PPIP5K1: variants seen among roughly 807,000 people sequenced by gnomAD.
PPIP5K1 encodes diphosphoinositol pentakisphosphate kinase 1.
A neutral mutation model predicts 27.7 loss-of-function variants in PPIP5K1; 6 were observed. That is an observed-to-expected ratio of 0.22 (90% CI 0.12 to 0.43). The LOEUF is 0.43. PPIP5K1 is among the 20% of genes least tolerant of loss of function. PPIP5K1 has a pLI of 1.00. For synonymous variants in PPIP5K1, 145 were observed against 242.6 expected, an observed-to-expected ratio of 0.60 and a Z score of 3.74; for missense variants, 394 against 635.4, an observed-to-expected ratio of 0.62 and a Z score of 4.08.
intron 10 of PPIP5K1, among the ~76,000 whole-genome samples, chr15:43,579,598 C>CGTGTGTGTGTGT (rs1168161790): frequency 6.4e-4 from 19 of 29,918 alleles, no homozygotes; most frequent in South Asian, 1.4e-3. Flanking sequence ...TATATGTGTA[C>CGTGTGTGTGTGT]GTGTGTGTGT....
At chr15:43,538,530 T>C (rs2080216530) in intron 31 of PPIP5K1, among the ~76,000 whole-genome samples, 1 of 147,596 alleles carries the variant, frequency 6.8e-6, no homozygotes, top group Non-Finnish European at 1.5e-5. Flanking sequence ...CAGCCTTTTT[T>C]GTTTGCTTGT....
At position 43,549,044 on chromosome 15, in the gene PPIP5K1, AAAAAAAAAAAAAATATATATATAT is replaced by A. The variant is rs1302487018; in HGVS notation, c.3557-9485_3557-9462del. On this transcript the variant is annotated intron_variant, in intron 30 of 31. Transcript: ENST00000420765. Reference sequence around the variant, plus strand: ...CTCCATCTCAAAAAAAAAAAAAAAAAAAAAAAAAAAAAATATATATATATATATATATATATACATATATATAAT... The same window carrying A: ...CTCCATCTCAAAAAAAAAAAAAAAAAATATATATATATACATATATATAAT... 6.5e-3 allele frequency among the ~76,000 whole-genome samples: 604 copies of A among 92,524 alleles called. 33 individuals are homozygous for A. The highest frequency in any genetic ancestry group is 0.038 in the African/African-American group (510 of 13,502). 60.7% of individuals were successfully genotyped at this position (92,524 alleles called of 152,430 possible).
At chr15:43,550,411 G>T (rs1179104604) in intron 30 of PPIP5K1, among the ~76,000 whole-genome samples, 1 of 152,094 alleles carries the variant, frequency 6.6e-6, no homozygotes, top group Non-Finnish European at 1.5e-5. Flanking sequence ...TTCCCAAAAT[G>T]CTGGGAACAC....
intron 29 of PPIP5K1, among the ~76,000 whole-genome samples, chr15:43,559,426 A>G (rs1228547444): frequency 6.6e-6 from 1 of 152,208 alleles, no homozygotes; most frequent in Non-Finnish European, 1.5e-5. Flanking sequence ...ATGCAAATTT[A>G]GGATGTCGGC....
chr15:43,539,587 G>A lies in PPIP5K1; in HGVS notation c.3557-4C>T, dbSNP rs770396735. ...CTGTGCATGGAATCAAAGAGGGCTG[G>A]AAAGGAGGTAGGGTGAAGGGAGAGG... is the stretch of plus-strand genomic sequence containing the variant. On this transcript the variant is annotated splice_region_variant and splice_polypyrimidine_tract_variant and intron_variant, in intron 30 of 31. Coordinates refer to ENST00000420765, the MANE Select transcript of PPIP5K1 (RefSeq NM_001394395.1). The A allele has an allele frequency of 1.0e-5, 16 of 1,557,256 alleles. No individual in the cohort carries two copies. The highest frequency in any genetic ancestry group is 1.3e-5 in the Non-Finnish European group (15 of 1,132,704).
intron 30 of PPIP5K1, among the ~76,000 whole-genome samples, chr15:43,545,918 T>C (rs1466364196): frequency 2.6e-5 from 4 of 152,080 alleles, no homozygotes; most frequent in Admixed American, 2.0e-4. Context: ...AGAAACCCCA[T>C]ATCCATTAAG....
chr15:43,542,891 G>A (rs1037672716), intron 30 of PPIP5K1, among the ~76,000 whole-genome samples: 5 of 151,986 alleles, frequency 3.3e-5, no homozygotes, highest in Non-Finnish European at 7.4e-5. Flanking sequence ...ATGTTGCCCA[G>A]GCTGGTCTAA....
chr15:43,558,376 C>T (rs2083298154), intron 30 of PPIP5K1, among the ~76,000 whole-genome samples: 2 of 151,978 alleles, frequency 1.3e-5, no homozygotes, highest in Admixed American at 1.3e-4. Context: ...TGCAGGCGCA[C>T]ACCACCGCAC....
rs56361192 is a variant in PPIP5K1 at position 43,542,647 on chromosome 15, A to AGTGTGTGTGT, written c.3557-3074_3557-3065dup. Among the ~76,000 whole-genome samples, 589 of 121,332 alleles carry AGTGTGTGTGT rather than the reference A, an allele frequency of 4.9e-3. 4 individuals are homozygous for AGTGTGTGTGT. Among genetic ancestry groups the AGTGTGTGTGT allele is most frequent in the Non-Finnish European group, 7.6e-3 (441 of 58,294 alleles). The allele number at this position is 121,332 out of a possible 152,430, so 79.6% of individuals were successfully genotyped here. A position where few individuals can be genotyped will look rare whatever the true frequency, so the allele number is the denominator to read the frequency against. ...TTGTGGATTTTTATTATATATATTC[A>AGTGTGTGTGT]GTGTGTGTGTGTGTGTGTGTGTGTG... On this transcript the variant is annotated intron_variant, in intron 30 of 31. Transcript: ENST00000420765.
At chr15:43,558,400 G>T (rs1009942222) in intron 30 of PPIP5K1, among the ~76,000 whole-genome samples, 2 of 152,120 alleles carry the variant, frequency 1.3e-5, no homozygotes, top group South Asian at 4.1e-4. Flanking sequence ...GCTAATTTTG[G>T]TATTTTTAGT....
At chr15:43,537,118 C>CTT (rs2079964498) in intron 31 of PPIP5K1, among the ~76,000 whole-genome samples, 1 of 151,514 alleles carries the variant, frequency 6.6e-6, no homozygotes, top group South Asian at 2.1e-4. Context: ...GGGCAGATCA[C>CTT]AAGGTCAGGA....
intron 30 of PPIP5K1, among the ~76,000 whole-genome samples, chr15:43,549,238 T>C (rs2081898526): frequency 1.3e-5 from 2 of 151,682 alleles, no homozygotes; most frequent in African/African-American, 4.8e-5. Flanking sequence ...AGCAATGTTT[T>C]GTAGTTTTTG....
intron 30 of PPIP5K1, among the ~76,000 whole-genome samples, chr15:43,558,469 A>G (rs1595865252): frequency 6.6e-6 from 1 of 151,648 alleles, no homozygotes; most frequent in East Asian, 1.9e-4. Flanking sequence ...CTCGTGATCC[A>G]CCCGCCTAGC....
Position 43,539,494 on chromosome 15 carries a change from G to A in PPIP5K1, c.3646C>T (p.Gln1216Ter). 1 of 1,603,532 alleles carries A rather than the reference G, an allele frequency of 6.2e-7. No individual in the cohort carries two copies. The highest frequency in any genetic ancestry group is 8.5e-7 in the Non-Finnish European group (1 of 1,172,776). The change falls in exon 31 of 32, where the codon CAG (glutamine) becomes TAG (stop). Residue 1216 changes from glutamine (Q) to a stop codon, truncating the protein, a stop_gained. Transcript: ENST00000420765. LOFTEE classifies it low-confidence loss of function (END_TRUNC). ...TLHSPPLQLQ[Q>*]RSEKPPWYSS... ...CACCAAGGGGGCTTCTCAGAGCGCT[G>A]CTGGAGTTGCAGGGGAGGTGAATGA...
At chr15:43,556,135 T>C (rs2584728) in intron 30 of PPIP5K1, among the ~76,000 whole-genome samples, 6 of 151,934 alleles carry the variant, frequency 3.9e-5, no homozygotes, top group Admixed American at 6.6e-5. Flanking sequence ...CTGGCCAACG[T>C]GGTGAAACCC....
At chr15:43,567,407 T>G (rs1480912821) in intron 26 of PPIP5K1, among the ~76,000 whole-genome samples, 375 of 2,806 alleles carry the variant, frequency 0.13, no homozygotes, top group Middle Eastern at 0.3. Flanking sequence ...CATGAGCCAC[T>G]GCGCCTGGCC....
chr15:43,558,966 C>T (rs377600621), intron 29 of PPIP5K1, 34 bp from the exon 30 acceptor site: 96 of 1,610,228 alleles, frequency 6.0e-5, no homozygotes, highest in Non-Finnish European at 6.7e-5. Context: ...GTCAATGTTA[C>T]TCCTGCCAGA....
intron 30 of PPIP5K1, among the ~76,000 whole-genome samples, chr15:43,558,530 T>G (rs2083324287): frequency 6.6e-6 from 1 of 151,864 alleles, no homozygotes; most frequent in Admixed American, 6.6e-5. Context: ...CCGGCCTTAT[T>G]TTTTTTCAGT....
rs1165313203 is a variant in PPIP5K1 at position 43,553,497 on chromosome 15, C to G, written c.3556+5298G>C. 3.3e-5 allele frequency among the ~76,000 whole-genome samples: 5 copies of G among 152,142 alleles called. No homozygotes were observed. The East Asian group carries it at 9.6e-4, about 29-fold the overall frequency. ...AGCTGGGACTACAGGCATGTGCCAC[C>G]ATGCCCAATTAAATTTTTAATTTTT... On this transcript the variant is annotated intron_variant, in intron 30 of 31. Transcript: ENST00000420765.
Sources: gnomAD v4.1 joint callset for allele counts (sites outside exome capture counted in the v4.1 genomes callset) on GRCh38, gnomAD v4.1.1 for gene constraint, MANE v1.5 for transcripts, NCBI Gene and HGNC (gene_info 2026-07-23, HGNC 2026-07-21) for gene names.